Variants in SETD2 observed in about 807,000 individuals in gnomAD.
SETD2 encodes the protein SET domain containing 2, histone lysine methyltransferase, also known as histone-lysine N-methyltransferase SETD2.
SETD2 carries 31 observed loss-of-function variants against 242.1 expected under a neutral mutation model. The ratio of observed to expected loss-of-function variants is 0.13; its 90% CI spans 0.10 to 0.17. The LOEUF (loss-of-function observed/expected upper bound fraction) is 0.17, where lower values mean the gene tolerates loss of function less well. Among genes scored for constraint, SETD2 ranks in the 10% least tolerant of loss-of-function variants. The pLI, the probability that SETD2 is intolerant of heterozygous loss-of-function variation, is 1.00. For missense variants in SETD2, 2,481 were observed against 3,046.3 expected, an observed-to-expected ratio of 0.81 and a Z score of 4.37; for synonymous variants, 1,006 against 1,066.5, an observed-to-expected ratio of 0.94 and a Z score of 1.11.
chr3:47,142,676 T>C (rs2043758557), intron 1 of SETD2, among the ~76,000 whole-genome samples: 1 of 151,788 alleles, frequency 6.6e-6, no homozygotes, highest in Admixed American at 6.6e-5. Flanking sequence ...TTGTCTTTTT[T>C]TTTTTTTTTG....
Position 47,046,568 on chromosome 3 carries a change from A to G in SETD2, c.7017T>C (p.Ala2339=). The change falls in exon 16 of 21, where the codon GCT becomes GCC. Residue 2339 remains alanine, a synonymous_variant. Coordinates refer to ENST00000409792, the MANE Select transcript of SETD2 (RefSeq NM_014159.7). ...GCTGTACCACCACTCCTTGTGGATG[A>G]GCTGTGAAAATCTGTTGCCCCTGGA... ...QYIQGQQIFT[A]HPQGVVVQPA... The G allele has an allele frequency of 2.5e-6, 4 of 1,613,520 alleles. No homozygotes were observed. The East Asian group carries it at 8.9e-5, about 36-fold the overall frequency.
At chr3:47,070,508 A>G (rs537016476) in intron 12 of SETD2, among the ~76,000 whole-genome samples, 37 of 152,316 alleles carry the variant, frequency 2.4e-4, no homozygotes, top group African/African-American at 8.7e-4. Context: ...AAAGTCCCAC[A>G]ACATTGAAAG....
At chr3:47,038,014 G>C (rs1277317839) in intron 17 of SETD2, among the ~76,000 whole-genome samples, 2 of 152,162 alleles carry the variant, frequency 1.3e-5, no homozygotes, top group African/African-American at 4.8e-5. Flanking sequence ...CACTGACTGG[G>C]TGTCAAAGAG....
intron 2 of SETD2, 64 bp from the exon 3 acceptor site, chr3:47,124,612 A>C (rs1189328238): frequency 1.6e-5 from 22 of 1,362,498 alleles, no homozygotes; most frequent in Non-Finnish European, 2.2e-5. Flanking sequence ...TGGACTGCAC[A>C]GTTTAAAATG....
intron 17 of SETD2, among the ~76,000 whole-genome samples, chr3:47,042,351 A>G (rs1167479255): frequency 6.6e-6 from 1 of 152,196 alleles, no homozygotes; most frequent in African/African-American, 2.4e-5. Context: ...GACAAAATAA[A>G]TAAAATAAAA....
chr3:47,103,007 G>C (rs2042274725), intron 7 of SETD2, among the ~76,000 whole-genome samples: 1 of 152,102 alleles, frequency 6.6e-6, no homozygotes. Context: ...TGAGTTCCTG[G>C]ATTGGATCTT....
chr3:47,111,863 C>T (rs560999537), intron 5 of SETD2, among the ~76,000 whole-genome samples: 7 of 152,074 alleles, frequency 4.6e-5, no homozygotes, highest in Admixed American at 4.6e-4. Flanking sequence ...GTCTTTATTA[C>T]CTGTGTTTTG....
intron 16 of SETD2, 32 bp from the exon 17 acceptor site, chr3:47,042,732 T>G (rs371154966): frequency 6.4e-7 from 1 of 1,569,510 alleles, no homozygotes; most frequent in African/African-American, 1.4e-5. Context: ...TTTTGATCAG[T>G]GATCTCTCTC....
chr3:47,028,082 T>A (rs1033219197), intron 18 of SETD2, among the ~76,000 whole-genome samples: 1 of 152,204 alleles, frequency 6.6e-6, no homozygotes, highest in African/African-American at 2.4e-5. Flanking sequence ...ACAGATTAAC[T>A]GTTAAATGAA....
intron 1 of SETD2, among the ~76,000 whole-genome samples, chr3:47,134,319 T>G (rs561231604): frequency 6.6e-6 from 1 of 152,244 alleles, no homozygotes; most frequent in Admixed American, 6.5e-5. Context: ...TAAGCACCTA[T>G]GGCGTTATAT....
In SETD2 at chr3:47,121,521, A is replaced by G. The variant is rs752515394; in HGVS notation, c.3115T>C (p.Ser1039Pro). The change falls in exon 3 of 21, where the codon TCT becomes CCT. Residue 1039 changes from serine to proline, a missense_variant. Physicochemically the swap from Ser to Pro is moderately conservative, Grantham distance 74. Coordinates refer to ENST00000409792, the MANE Select transcript of SETD2 (RefSeq NM_014159.7). ...TCATTTGAACTTTCAGAAGAGCCAG[A>G]ATAATCTTCATGAACTGTAGACACA... is the stretch of plus-strand genomic sequence containing the variant. ...EIVSTVHEDY[S>P]GSSESSNDES... is the part of the protein sequence containing the mutation. 23 of 1,614,180 alleles carry G rather than the reference A, an allele frequency of 1.4e-5. No homozygotes were observed. In the South Asian group the frequency reaches 2.4e-4, roughly 17 times the overall value.
intron 1 of SETD2, among the ~76,000 whole-genome samples, chr3:47,142,415 G>A (rs2043751255): frequency 6.6e-6 from 1 of 152,038 alleles, no homozygotes; most frequent in Non-Finnish European, 1.5e-5. Context: ...AGGCTGAGGT[G>A]AGAAGACTGC....
At chr3:47,044,382 A>C (rs1368365451) in intron 16 of SETD2, among the ~76,000 whole-genome samples, 1 of 129,100 alleles carries the variant, frequency 7.7e-6, no homozygotes, top group East Asian at 2.4e-4. Flanking sequence ...AAAAAAAAAA[A>C]AAAAGGCCTA....
intron 1 of SETD2, among the ~76,000 whole-genome samples, chr3:47,146,098 ATATCCCACTTGCTCT>A (rs1422258020): frequency 1.3e-5 from 2 of 151,692 alleles, no homozygotes; most frequent in African/African-American, 4.8e-5. Flanking sequence ...TCCAGAAAGC[ATATCCCACTTGCTCT>A]TATCTCCCAT....
intron 9 of SETD2, among the ~76,000 whole-genome samples, chr3:47,093,930 T>C (rs1445478805): frequency 6.6e-6 from 1 of 152,216 alleles, no homozygotes; most frequent in Non-Finnish European, 1.5e-5. Flanking sequence ...TCCACGTTTA[T>C]TGGCTATTTC....
intron 1 of SETD2, among the ~76,000 whole-genome samples, chr3:47,135,603 G>GA (rs944400990): frequency 1.3e-4 from 20 of 151,914 alleles, no homozygotes; most frequent in African/African-American, 3.9e-4. Context: ...ATTTAATACA[G>GA]AAAAAAAATC....
intron 9 of SETD2, among the ~76,000 whole-genome samples, chr3:47,096,598 G>C (rs1362922458): frequency 1.4e-4 from 3 of 20,836 alleles, no homozygotes; most frequent in Admixed American, 5.5e-4. Context: ...AAAAAAAAAG[G>C]GGGGCTGGGC....
chr3:47,057,718 C>T (rs540552836), intron 14 of SETD2, among the ~76,000 whole-genome samples: 39 of 152,214 alleles, frequency 2.6e-4, no homozygotes, highest in African/African-American at 9.1e-4. Flanking sequence ...TTCATCTCTA[C>T]CCTTAGTTTC....
intron 1 of SETD2, among the ~76,000 whole-genome samples, chr3:47,133,520 T>C (rs2043525716): frequency 6.6e-6 from 1 of 151,718 alleles, no homozygotes; most frequent in South Asian, 2.1e-4. Flanking sequence ...ATCACATGAG[T>C]CCAGGAGTTG....
Sources: allele counts gnomAD v4.1 joint callset (sites outside exome capture counted in the v4.1 genomes callset), GRCh38; gene constraint gnomAD v4.1.1; transcripts MANE v1.5; gene names NCBI Gene and HGNC (gene_info 2026-07-23, HGNC 2026-07-21).